VAV2: variants seen among roughly 807,000 people sequenced by gnomAD.
The protein encoded by VAV2 is guanine nucleotide exchange factor VAV2.
Under a neutral mutation model 132.5 loss-of-function variants are expected in VAV2, and 67 were observed. That is an observed-to-expected ratio of 0.51 (90% confidence interval 0.42 to 0.62). VAV2 has a LOEUF of 0.62. VAV2 is among the 20% of genes least tolerant of loss of function. The pLI is 0.00. For synonymous variants in VAV2, 492 were observed against 443.5 expected (o/e 1.11, Z -1.37); for missense variants, 938 against 1,153.6 (o/e 0.81, Z 2.71).
At chr9:133,825,126 C>T (rs1347066480) in intron 4 of VAV2, among the ~76,000 whole-genome samples, 3 of 126,174 alleles carry the variant, frequency 2.4e-5, no homozygotes, top group Non-Finnish European at 4.7e-5. Context: ...GCACCACGGC[C>T]AGTGGGGAGG....
chr9:133,855,080 AAG>A (rs1408281075), intron 3 of VAV2, among the ~76,000 whole-genome samples: 1 of 152,208 alleles, frequency 6.6e-6, no homozygotes, highest in Non-Finnish European at 1.5e-5. Flanking sequence ...GCCCGGATGG[AAG>A]AGAGTGGAGA....
At chr9:133,793,551 G>A (rs1241498262) in intron 12 of VAV2, among the ~76,000 whole-genome samples, 2 of 152,164 alleles carry the variant, frequency 1.3e-5, no homozygotes, top group Non-Finnish European at 2.9e-5. Flanking sequence ...CAAGTCTGGA[G>A]CTCAGGACCA....
In VAV2 at chr9:133,883,171, A is replaced by G. The variant is rs890300067; in HGVS notation, c.322-21739T>C. On this transcript the variant is annotated intron_variant, in intron 2 of 29. Coordinates refer to ENST00000371850, the MANE Select transcript of VAV2 (RefSeq NM_001134398.2). This position sits in a 1 kb window ranked among gnomAD's most constrained non-coding sequence, Gnocchi z 4.2. The stretch of plus-strand genomic sequence containing the variant: ...AGTCAAGTCCCTGAGCCTGCAAAAG[A>G]CTCGGCTGTCCCCACACACCACTCC... Among the ~76,000 whole-genome samples the G allele has an allele frequency of 7.9e-5, 12 of 152,002 alleles. No homozygotes were observed. Among genetic ancestry groups the G allele is most frequent in the African/African-American group, 2.9e-4 (12 of 41,364 alleles).
chr9:133,792,658 A>T (rs1223635946), intron 12 of VAV2, among the ~76,000 whole-genome samples: 1 of 150,048 alleles, frequency 6.7e-6, no homozygotes, highest in Non-Finnish European at 1.5e-5. Flanking sequence ...ACATACATGC[A>T]GGAGCTCAGC....
chr9:133,924,753 G>A (rs1435856516), intron 2 of VAV2, among the ~76,000 whole-genome samples: 1 of 152,208 alleles, frequency 6.6e-6, no homozygotes, highest in Non-Finnish European at 1.5e-5. Flanking sequence ...GGGGGCCTAT[G>A]GGCCAGAGGG....
At position 133,940,142 on chromosome 9, in the gene VAV2, G is replaced by A. The variant is rs1411841529; in HGVS notation, c.205-923C>T. On this transcript the variant is annotated intron_variant, in intron 1 of 29. Coordinates refer to ENST00000371850, the MANE Select transcript of VAV2 (RefSeq NM_001134398.2). ...CTGACTCCAGCAGGGAGACCAGGGT[G>A]AGTGGTTATGCCAGGCCTGGTTTTC... Among the ~76,000 whole-genome samples the A allele has an allele frequency of 2.0e-5, 3 of 152,208 alleles. No individual in the cohort carries two copies. In the East Asian group the frequency reaches 5.8e-4, roughly 29 times the overall value.
At chr9:133,902,151 A>G (rs1199257278) in intron 2 of VAV2, among the ~76,000 whole-genome samples, 1 of 151,384 alleles carries the variant, frequency 6.6e-6, no homozygotes, top group Non-Finnish European at 1.5e-5. Context: ...CAGGCCCATC[A>G]GCTCCCCCTG....
At position 133,769,609 on chromosome 9, in the gene VAV2, G is replaced by A; in HGVS notation, c.2348-106C>T. 1 of 1,200,042 alleles carries A rather than the reference G, an allele frequency of 8.3e-7. No individual in the cohort carries two copies. Among genetic ancestry groups the A allele is most frequent in the South Asian group, 1.5e-5 (1 of 67,312 alleles). 74.3% of individuals were successfully genotyped at this position (1,200,042 alleles called of 1,614,324 possible). On this transcript the variant is annotated intron_variant, in intron 27 of 29. Transcript: ENST00000371850. The surrounding 1 kb of genome is among the most constrained non-coding windows in gnomAD (Gnocchi z 8.1). Reference sequence around the variant, plus strand: ...GGGCATGGGGTGGGGCAGGCCCTTTGGCAGGAGAGGCCCTACAGGGGGGCA... The same window carrying A: ...GGGCATGGGGTGGGGCAGGCCCTTTAGCAGGAGAGGCCCTACAGGGGGGCA...
In VAV2 at chr9:133,834,335, A is replaced by C. The variant is rs1207824569; in HGVS notation, c.386T>G (p.Phe129Cys). The C allele has an allele frequency of 3.1e-6, 5 of 1,612,446 alleles. No homozygotes were observed. Among genetic ancestry groups the C allele is most frequent in the Non-Finnish European group, 4.2e-6 (5 of 1,179,314 alleles). ...ATTCTCTGTGGTCTCCTCTGAGGGAAAAGGCCTGCGGAAGAGAAGGCGAGA... is the reference window on the plus strand; with the variant it reads ...ATTCTCTGTGGTCTCCTCTGAGGGACAAGGCCTGCGGAAGAGAAGGCGAGA... ...SIAQNKGIRP[F>C]PSEETTENDD... The change falls in exon 4 of 30, where the codon TTT becomes TGT. Residue 129 changes from phenylalanine to cysteine, a missense_variant. Coordinates refer to ENST00000371850, the MANE Select transcript of VAV2 (RefSeq NM_001134398.2). This position sits in a 1 kb window ranked among gnomAD's most constrained non-coding sequence, Gnocchi z 5.9.
At chr9:133,959,836 G>A (rs12340169) in intron 1 of VAV2, among the ~76,000 whole-genome samples, 4,223 of 152,296 alleles carry the variant, frequency 0.028, 203 homozygotes, top group African/African-American at 0.096. Context: ...AGGGCCCAGA[G>A]CCGCAGGAGG....
intron 2 of VAV2, among the ~76,000 whole-genome samples, chr9:133,864,638 T>C (rs938047833): frequency 6.6e-6 from 1 of 152,232 alleles, no homozygotes; most frequent in Non-Finnish European, 1.5e-5. Flanking sequence ...CCACAGGCTC[T>C]GGGGCCTGGG....
chr9:133,848,701 T>C (rs564981148), intron 3 of VAV2, among the ~76,000 whole-genome samples: 2 of 152,148 alleles, frequency 1.3e-5, no homozygotes, highest in South Asian at 2.1e-4. Flanking sequence ...CCGGGCATCT[T>C]TGGGGAAAGA....
At chr9:133,781,013 T>C (rs1037910149) in intron 19 of VAV2, among the ~76,000 whole-genome samples, 9 of 152,178 alleles carry the variant, frequency 5.9e-5, no homozygotes, top group Non-Finnish European at 1.2e-4. Context: ...GCCACCTCTT[T>C]TGAATGGCGG....
rs533142563 is a variant in VAV2, at chr9:133,768,179, G to C, written c.2589+263C>G. On this transcript the variant is annotated intron_variant, in intron 29 of 29. Coordinates refer to ENST00000371850, the MANE Select transcript of VAV2 (RefSeq NM_001134398.2). The surrounding 1 kb of genome is among the most constrained non-coding windows in gnomAD (Gnocchi z 5.3). ...AATAAAAATGGAACAGGGTCGGGGG[G>C]TTCCTAGGAGCCTGGATCCGCATCA... Among the ~76,000 whole-genome samples, 2 of 152,116 alleles carry C rather than the reference G, an allele frequency of 1.3e-5. No homozygotes were observed. The highest frequency in any genetic ancestry group is 2.9e-5 in the Non-Finnish European group (2 of 68,002).
chr9:133,893,766 C>T (rs1210901044), intron 2 of VAV2, among the ~76,000 whole-genome samples: 2 of 152,170 alleles, frequency 1.3e-5, no homozygotes, highest in Admixed American at 1.3e-4. Context: ...CCGCGATGAC[C>T]GAGGCCCAGC....
rs566675290 is a variant in VAV2, at chr9:133,861,495, C to A, written c.322-63G>T. 11 of 1,579,882 alleles carry A rather than the reference C, an allele frequency of 7.0e-6. No individual in the cohort carries two copies. In the African/African-American group the frequency reaches 1.5e-4, roughly 21 times the overall value. ...AAGAAACCAGAAAGGCATCACAGAA[C>A]TGGGGACGCTGCTTTGCAGGACGTC... On this transcript the variant is annotated intron_variant, in intron 2 of 29. Coordinates refer to ENST00000371850, the MANE Select transcript of VAV2 (RefSeq NM_001134398.2).
rs972361149 is a variant in VAV2 at position 133,770,926 on chromosome 9, G to T, written c.2224-425C>A. Among the ~76,000 whole-genome samples, 12 of 152,108 alleles carry T rather than the reference G, an allele frequency of 7.9e-5. 1 individual carries two copies. The highest frequency in any genetic ancestry group is 2.7e-4 in the African/African-American group (11 of 41,404). On this transcript the variant is annotated intron_variant, in intron 26 of 29. Transcript: ENST00000371850. ...AAAAGTCGCCTAAAAATCAGCTGGG[G>T]CATTGCCAGCATTATTATTTATATA...
chr9:133,950,088 G>A (rs958637917), intron 1 of VAV2, among the ~76,000 whole-genome samples: 1 of 152,212 alleles, frequency 6.6e-6, no homozygotes, highest in African/African-American at 2.4e-5. Context: ...TGAGGAGTGG[G>A]TTCTCAAAGG....
At position 133,788,276 on chromosome 9, in the gene VAV2, C is replaced by CCCAG; in HGVS notation, c.1407+77_1407+78insCTGG. 1 of 1,544,910 alleles carries CCCAG rather than the reference C, an allele frequency of 6.5e-7. No homozygotes were observed. Among genetic ancestry groups the CCCAG allele is most frequent in the Non-Finnish European group, 8.8e-7 (1 of 1,131,464 alleles). ...GCGGCTGACTTCGAGTCCCCTTCCC[C>CCCAG]TGGGGTCTGGAACCCAGTGCCTCTC... On this transcript the variant is annotated intron_variant, in intron 15 of 29. Transcript: ENST00000371850. The surrounding 1 kb of genome is among the most constrained non-coding windows in gnomAD (Gnocchi z 5.3).
Sources: allele counts gnomAD v4.1 joint callset (sites outside exome capture counted in the v4.1 genomes callset), GRCh38; gene constraint gnomAD v4.1.1; non-coding constraint Gnocchi (gnomAD v3.1); transcripts MANE v1.5; gene names NCBI Gene and HGNC (gene_info 2026-07-23, HGNC 2026-07-21).